LARGE1: variants seen among roughly 807,000 people sequenced by gnomAD.
LARGE1 encodes xylosyl- and glucuronyltransferase LARGE1.
LARGE1 carries 43 observed loss-of-function variants against 87.6 expected under a neutral mutation model. The observed-to-expected ratio is 0.49, with a 90% confidence interval of 0.38 to 0.63. The LOEUF is 0.63. Ranked by LOEUF, LARGE1 falls within the 30% of genes least tolerant of loss-of-function variation. The pLI is 0.00. For missense variants in LARGE1, 802 were observed against 1,000.2 expected, an observed-to-expected ratio of 0.80 and a Z score of 2.67; for synonymous variants, 434 against 394.6, an observed-to-expected ratio of 1.10 and a Z score of -1.18.
rs1308203271 is a variant in LARGE1, at chr22:33,524,628, G to T, written c.787+40220C>A. On this transcript the variant is annotated intron_variant, in intron 6 of 14. Transcript: ENST00000397394. ...TGATTTTCCTCCTGGAGGGTTTGGA[G>T]TAAGCCCTCTTTTCCCACTCCAACA... Among the ~76,000 whole-genome samples the T allele has an allele frequency of 4.6e-5, 7 of 151,968 alleles. No homozygotes were observed. The East Asian group carries it at 1.4e-3, about 29-fold the overall frequency.
intron 12 of LARGE1, among the ~76,000 whole-genome samples, chr22:33,285,215 C>T (rs1602239066): frequency 6.6e-6 from 1 of 152,126 alleles, no homozygotes; most frequent in African/African-American, 2.4e-5. Flanking sequence ...TCAGGGTCAT[C>T]ATGGCTGTCT....
intron 11 of LARGE1, among the ~76,000 whole-genome samples, chr22:33,178,221 G>C (rs534041267): frequency 1.8e-4 from 28 of 152,312 alleles, no homozygotes; most frequent in African/African-American, 6.7e-4. Context: ...ATATTGAGCA[G>C]TGTCCATACA....
At chr22:33,080,023 G>A in the LARGE1 span, among the ~76,000 whole-genome samples, 1,430 of 152,290 alleles carry the variant, frequency 9.4e-3, 15 homozygotes, top group South Asian at 0.026. Context: ...GAGGTGGCAG[G>A]CATGTGGAGG....
rs529461367 is a variant in LARGE1, at chr22:33,182,112, G to A, written c.1731-15280C>T. 3.0e-4 allele frequency among the ~76,000 whole-genome samples: 46 copies of A among 152,190 alleles called. No individual in the cohort carries two copies. The South Asian group carries it at 8.5e-3, about 28-fold the overall frequency. ...ACTGGGATTATAGGCGTGAGCCACC[G>A]CACCCAACAGGGTATATTACTTTTG... On this transcript the variant is annotated intron_variant, in intron 11 of 11. Coordinates refer to the LARGE1 transcript ENST00000608642.
At chr22:33,368,607 T>TCTCCCTGG (rs1025205333) in intron 9 of LARGE1, among the ~76,000 whole-genome samples, 1 of 151,962 alleles carries the variant, frequency 6.6e-6, no homozygotes, top group African/African-American at 2.4e-5. Flanking sequence ...CTTATCAATT[T>TCTCCCTGG]CTCCCTGGAG....
At chr22:33,534,314 G>T (rs994399917) in intron 6 of LARGE1, among the ~76,000 whole-genome samples, 1 of 152,082 alleles carries the variant, frequency 6.6e-6, no homozygotes, top group African/African-American at 2.4e-5. Flanking sequence ...TGAGGCAGGA[G>T]AATGGTGTGA....
intron 11 of LARGE1, among the ~76,000 whole-genome samples, chr22:33,245,509 T>A (rs1568988047): frequency 6.6e-6 from 1 of 152,252 alleles, no homozygotes; most frequent in African/African-American, 2.4e-5. Flanking sequence ...GCCATTAGTT[T>A]GATTGTGCTT....
intron 6 of LARGE1, among the ~76,000 whole-genome samples, chr22:33,514,973 A>T (rs1244852980): frequency 6.6e-6 from 1 of 152,206 alleles, no homozygotes; most frequent in Non-Finnish European, 1.5e-5. Context: ...CTTTAGGTAA[A>T]GGATCTCCTC....
chr22:33,446,532 G>C (rs1339544585), intron 6 of LARGE1, among the ~76,000 whole-genome samples: 2 of 152,166 alleles, frequency 1.3e-5, no homozygotes, highest in Non-Finnish European at 2.9e-5. Context: ...TTGAATTGCA[G>C]GACACTTAGT....
chr22:33,361,796 T>C (rs2064399110), intron 9 of LARGE1, among the ~76,000 whole-genome samples: 2 of 117,960 alleles, frequency 1.7e-5, no homozygotes, highest in African/African-American at 6.0e-5. Context: ...CCTCACTTCC[T>C]TACATCACAG....
intron 6 of LARGE1, among the ~76,000 whole-genome samples, chr22:33,563,619 C>A (rs2077928204): frequency 6.6e-6 from 1 of 152,176 alleles, no homozygotes; most frequent in Non-Finnish European, 1.5e-5. Context: ...GATCTCAACT[C>A]TGGGAAAAGC....
intron 11 of LARGE1, among the ~76,000 whole-genome samples, chr22:33,310,607 G>A (rs921665746): frequency 2.0e-5 from 3 of 152,154 alleles, no homozygotes; most frequent in African/African-American, 7.2e-5. Flanking sequence ...GCCTACTTCT[G>A]ACTCGAAGGT....
the LARGE1 span, among the ~76,000 whole-genome samples, chr22:33,075,630 C>A: frequency 6.6e-6 from 1 of 152,258 alleles, no homozygotes; most frequent in African/African-American, 2.4e-5. Flanking sequence ...TTGAAAGGAT[C>A]TTGGAGGAGA....
chr22:33,522,000 G>C (rs747114119), intron 6 of LARGE1, among the ~76,000 whole-genome samples: 13 of 152,140 alleles, frequency 8.5e-5, no homozygotes, highest in Non-Finnish European at 1.9e-4. Flanking sequence ...GAAAGGGCAG[G>C]TGCCAGCTTC....
At chr22:33,708,604 C>CT (rs1047288190) in intron 2 of LARGE1, among the ~76,000 whole-genome samples, 44 of 152,156 alleles carry the variant, frequency 2.9e-4, no homozygotes, top group Admixed American at 1.6e-3. Context: ...TTTGTTTCTT[C>CT]TTTTTTGTGT....
At chr22:33,629,831 G>A (rs1268359832) in intron 3 of LARGE1, among the ~76,000 whole-genome samples, 2 of 152,078 alleles carry the variant, frequency 1.3e-5, no homozygotes, top group South Asian at 4.1e-4. Context: ...ACTTTGGGAG[G>A]CCAAGGTGGG....
intron 11 of LARGE1, among the ~76,000 whole-genome samples, chr22:33,266,086 C>G (rs1188260040): frequency 6.7e-6 from 1 of 149,648 alleles, no homozygotes; most frequent in Non-Finnish European, 1.5e-5. Context: ...AGGAAACTAT[C>G]AAGACAATTG....
intron 1 of LARGE1, among the ~76,000 whole-genome samples, chr22:33,877,014 G>A (rs2064489139): frequency 6.6e-6 from 1 of 151,948 alleles, no homozygotes; most frequent in Non-Finnish European, 1.5e-5. Flanking sequence ...CCATCTAATG[G>A]TACCACTGTA....
At chr22:33,912,485 G>T (rs2065666026) in intron 1 of LARGE1, among the ~76,000 whole-genome samples, 1 of 152,144 alleles carries the variant, frequency 6.6e-6, no homozygotes, top group African/African-American at 2.4e-5. Flanking sequence ...TTCCCAATTG[G>T]CCTTGGTAAT....
Sources: allele counts gnomAD v4.1 joint callset (sites outside exome capture counted in the v4.1 genomes callset), GRCh38; gene constraint gnomAD v4.1.1; transcripts MANE v1.5; gene names NCBI Gene and HGNC (gene_info 2026-07-23, HGNC 2026-07-21).